Variants in CELSR1 observed in about 807,000 individuals in gnomAD.
The protein encoded by CELSR1 is adhesion G protein-coupled receptor C1.
CELSR1 carries 110 observed loss-of-function variants against 249.1 expected under a neutral mutation model. The ratio of observed to expected loss-of-function variants is 0.44; its 90% CI spans 0.38 to 0.52. The LOEUF (loss-of-function observed/expected upper bound fraction) is 0.52, where lower values mean the gene tolerates loss of function less well. Among genes scored for constraint, CELSR1 ranks in the 20% least tolerant of loss-of-function variants. The probability of loss-of-function intolerance (pLI) is 0.00; values close to 1 mark genes in which losing one functional copy is unlikely to be tolerated. For synonymous variants in CELSR1, 2,113 were observed against 1,900.0 expected (o/e 1.11, Z -2.92); for missense variants, 4,109 against 4,296.4 (o/e 0.96, Z 1.22).
At chr22:46,496,485 T>C (rs1353586838) in intron 1 of CELSR1, among the ~76,000 whole-genome samples, 1 of 151,980 alleles carries the variant, frequency 6.6e-6, no homozygotes, top group Non-Finnish European at 1.5e-5. Context: ...GGAAAATCAC[T>C]TGAGCCCAGG....
chr22:46,398,214 G>A lies in CELSR1; in HGVS notation c.5526+310C>T, dbSNP rs982245958. 1.1e-4 allele frequency among the ~76,000 whole-genome samples: 16 copies of A among 152,122 alleles called. No individual in the cohort carries two copies. Among genetic ancestry groups the A allele is most frequent in the Admixed American group, 3.9e-4 (6 of 15,284 alleles). ...CACGGGGCCCACTTGGGTGACGTCTGTGGTTGGACTGGGTGGGGGTGGCGG... is the reference window on the plus strand; with the variant it reads ...CACGGGGCCCACTTGGGTGACGTCTATGGTTGGACTGGGTGGGGGTGGCGG... On this transcript the variant is annotated intron_variant, in intron 11 of 34. Transcript: ENST00000674500. This position sits in a 1 kb window ranked among gnomAD's most constrained non-coding sequence, Gnocchi z 7.2.
intron 23 of CELSR1, chr22:46,377,517 C>T (rs1482073861): frequency 9.6e-6 from 5 of 520,806 alleles, no homozygotes; most frequent in African/African-American, 5.7e-5. Context: ...GCTTGGGGGC[C>T]GTTCAGAGAC....
intron 1 of CELSR1, among the ~76,000 whole-genome samples, chr22:46,532,574 G>A (rs1225068962): frequency 6.6e-6 from 1 of 152,194 alleles, no homozygotes. Context: ...CTGTGGCAAA[G>A]TTGTATCCTA....
intron 2 of CELSR1, among the ~76,000 whole-genome samples, chr22:46,456,809 C>T (rs2079959884): frequency 6.7e-6 from 1 of 150,014 alleles, no homozygotes; most frequent in Admixed American, 6.7e-5. Context: ...GTTTTTACAC[C>T]AGAAGTTTCT....
In CELSR1 at chr22:46,536,802, G is replaced by A; in HGVS notation, c.369C>T (p.Thr123=). Residue 123 remains threonine, a synonymous_variant, in exon 1 of 35, where the codon ACC becomes ACT. Coordinates refer to ENST00000674500, the MANE Select transcript of CELSR1 (RefSeq NM_001378328.1). Reference sequence around the variant, plus strand: ...AGAGCGCCCCGCAGAGCCGGGCACCGGTTCCGCAGAGCCGGGCACGGGCTC... The same window carrying A: ...AGAGCGCCCCGCAGAGCCGGGCACCAGTTCCGCAGAGCCGGGCACGGGCTC... ...GCGARARLCG[T]GARLCGALCF... 1.7e-6 allele frequency: 2 copies of A among 1,194,826 alleles called. No individual in the cohort carries two copies. The highest frequency in any genetic ancestry group is 2.1e-6 in the Non-Finnish European group (2 of 965,810). 74.0% of individuals were successfully genotyped at this position (1,194,826 alleles called of 1,614,324 possible).
At chr22:46,485,443 A>G (rs558493749) in intron 1 of CELSR1, among the ~76,000 whole-genome samples, 10 of 152,148 alleles carry the variant, frequency 6.6e-5, no homozygotes, top group Non-Finnish European at 1.5e-4. Context: ...AGATTCAAGC[A>G]AAGACTCAAA....
chr22:46,397,725 TG>T lies in CELSR1; in HGVS notation c.5649del (p.Asn1884IlefsTer22). 1.3e-6 allele frequency: 2 copies of T among 1,587,716 alleles called. No homozygotes were observed. Among genetic ancestry groups the T allele is most frequent in the South Asian group, 1.1e-5 (1 of 86,976 alleles). On this transcript the variant is annotated frameshift_variant, in exon 12 of 35. Coordinates refer to ENST00000674500, the MANE Select transcript of CELSR1 (RefSeq NM_001378328.1). LOFTEE classifies it high-confidence loss of function. ...TCCCAGGCGTCGTGGCAGCGGCTAT[TG>T]GGGGGACAGGGGCTCGAGGTACAGG... ...DDPCTSSPCPPNSRCHDAWED... is the reference protein window; with the variant it reads ...DDPCTSSPCPXNSRCHDAWED...
Position 46,384,550 on chromosome 22 carries a change from T to A in CELSR1, c.6876A>T (p.Glu2292Asp), listed in dbSNP as rs150233399. The A allele has an allele frequency of 3.7e-6, 6 of 1,607,108 alleles. No homozygotes were observed. The highest frequency in any genetic ancestry group is 4.2e-6 in the Non-Finnish European group (5 of 1,176,802). ...GTTTCTAAGCGGTTTTACCTTTTTC[T>A]TCAGGTGGTCTGAAGAAGTCGGCTG... ...SFPADFFRPP[E>D]EKEGPLLRPA... Residue 2292 changes from glutamate to aspartate, a missense_variant, in exon 20 of 35, where the codon GAA (glutamate) becomes GAT (aspartate). Coordinates refer to ENST00000674500, the MANE Select transcript of CELSR1 (RefSeq NM_001378328.1).
intron 1 of CELSR1, among the ~76,000 whole-genome samples, chr22:46,507,758 G>C (rs1378224012): frequency 6.6e-6 from 1 of 152,080 alleles, no homozygotes; most frequent in Non-Finnish European, 1.5e-5. Flanking sequence ...AGCCTGTTCA[G>C]TGGGGCAGGG....
At chr22:46,389,194 A>G in intron 18 of CELSR1, 96 bp downstream of exon 18, 1 of 1,336,204 alleles carries the variant, frequency 7.5e-7, no homozygotes, top group Non-Finnish European at 1.1e-6. Context: ...ACCGTCTTCC[A>G]CGAACTGAGG....
At chr22:46,367,235 G>A (rs1388296690) in intron 28 of CELSR1, 117 bp from the exon 29 acceptor site, 35 of 1,362,254 alleles carry the variant, frequency 2.6e-5, no homozygotes, top group African/African-American at 7.3e-5. Context: ...CCGGCCACAC[G>A]GCCCAGGACA....
chr22:46,397,871 G>C lies in CELSR1; in HGVS notation c.5527-23C>G, dbSNP rs769245309. 1.5e-5 allele frequency: 22 copies of C among 1,504,376 alleles called. No homozygotes were observed. The African/African-American group carries it at 2.7e-4, about 18-fold the overall frequency. 93.2% of individuals were successfully genotyped at this position (1,504,376 alleles called of 1,614,324 possible). A position where few individuals can be genotyped will look rare whatever the true frequency, so the allele number is the denominator to read the frequency against. ...TCCCTGCATTAAGTAAACGGCACTG[G>C]GGCTACAGGAGCCCGGAAAGGTATG... On this transcript the variant is annotated intron_variant, in intron 11 of 34. Transcript: ENST00000674500.
chr22:46,369,706 C>T lies in CELSR1; in HGVS notation c.7858G>A (p.Gly2620Arg). ...TLIWSFAGPI[G>R]AVIIINTVTS... ...CCCACACTCACGATTATAACAGCTC[C>T]GATGGGCCCCGCAAAGCTCCAAATC... The change falls in exon 26 of 35, where the codon GGA (glycine) becomes AGA (arginine). Residue 2620 changes from glycine (G) to arginine (R), a missense_variant. Physicochemically the swap from Gly to Arg is moderately radical, Grantham distance 125 (BLOSUM62 -2). This residue lies in a region of CELSR1 where 1,805 missense variants were observed against 1,831.6 expected (regional missense o/e 0.99). Transcript: ENST00000674500. 6.2e-7 allele frequency: 1 copy of T among 1,613,452 alleles called. No individual in the cohort carries two copies. The highest frequency in any genetic ancestry group is 8.5e-7 in the Non-Finnish European group (1 of 1,179,936).
At chr22:46,482,885 C>A (rs2080280105) in intron 1 of CELSR1, among the ~76,000 whole-genome samples, 1 of 152,124 alleles carries the variant, frequency 6.6e-6, no homozygotes, top group African/African-American at 2.4e-5. Context: ...CAAGGGAGTG[C>A]TGGCATGGAG....
At position 46,409,902 on chromosome 22, in the gene CELSR1, C is replaced by T; in HGVS notation, c.4934-22G>A. The T allele has an allele frequency of 2.5e-6, 4 of 1,609,818 alleles. No individual in the cohort carries two copies. Among genetic ancestry groups the T allele is most frequent in the South Asian group, 1.1e-5 (1 of 91,082 alleles). On this transcript the variant is annotated intron_variant, in intron 7 of 34. Transcript: ENST00000674500. The surrounding 1 kb of genome is among the most constrained non-coding windows in gnomAD (Gnocchi z 9.8). ...CAGCCTGGCAACACAGAGCGTGCGG[C>T]AGAGCCTGACTCGGAGGAACCGCCC... is the stretch of plus-strand genomic sequence containing the variant.
chr22:46,517,241 C>T lies in CELSR1; in HGVS notation c.3544+16386G>A, dbSNP rs114684663. Among the ~76,000 whole-genome samples, 1,879 of 152,344 alleles carry T rather than the reference C, an allele frequency of 0.012. 38 individuals carry two copies. Among genetic ancestry groups the T allele is most frequent in the African/African-American group, 0.044 (1,814 of 41,578 alleles). ...TTGGCCCATTTTCCCACTGCTCCAC[C>T]TTTGCTCTGGCAAAAAATGCTGGGC... is the stretch of plus-strand genomic sequence containing the variant. On this transcript the variant is annotated intron_variant, in intron 1 of 34. Transcript: ENST00000674500. This position sits in a 1 kb window ranked among gnomAD's most constrained non-coding sequence, Gnocchi z 5.4.
chr22:46,422,033 G>C (rs1045512104), intron 5 of CELSR1, among the ~76,000 whole-genome samples: 3 of 152,220 alleles, frequency 2.0e-5, no homozygotes, highest in Non-Finnish European at 4.4e-5. Context: ...ACTTTGCAAG[G>C]CTTAATTAAC....
chr22:46,411,354 T>C lies in CELSR1; in HGVS notation c.4769+248A>G, dbSNP rs995600069. Among the ~76,000 whole-genome samples, 4 of 151,940 alleles carry C rather than the reference T, an allele frequency of 2.6e-5. No individual in the cohort carries two copies. The highest frequency in any genetic ancestry group is 9.7e-5 in the African/African-American group (4 of 41,348). On this transcript the variant is annotated intron_variant, in intron 6 of 34. Coordinates refer to ENST00000674500, the MANE Select transcript of CELSR1 (RefSeq NM_001378328.1). This position sits in a 1 kb window ranked among gnomAD's most constrained non-coding sequence, Gnocchi z 4.2. ...GATGGGGCTGGAGACCGTCTCGGGG[T>C]CTGCAAGCTGGCCATCACAACCCTG... is the stretch of plus-strand genomic sequence containing the variant.
chr22:46,470,903 T>C (rs564352098), intron 1 of CELSR1, among the ~76,000 whole-genome samples: 1 of 152,256 alleles, frequency 6.6e-6, no homozygotes, highest in Admixed American at 6.5e-5. Flanking sequence ...GGTGGGCGGA[T>C]CACCAGAGGT....
Sources: allele counts gnomAD v4.1 joint callset (sites outside exome capture counted in the v4.1 genomes callset), GRCh38; gene constraint gnomAD v4.1.1; regional missense constraint gnomAD v4.1.1; non-coding constraint Gnocchi (gnomAD v3.1); transcripts MANE v1.5; gene names NCBI Gene and HGNC (gene_info 2026-07-23, HGNC 2026-07-21).